Variants in TMEM204 observed in about 807,000 individuals in gnomAD.
TMEM204 encodes the protein claudin-like protein 24.
Under a neutral mutation model 19.4 loss-of-function variants are expected in TMEM204, and 15 were observed. The ratio of observed to expected loss-of-function variants is 0.77; its 90% CI spans 0.52 to 1.19. TMEM204 has a LOEUF of 1.19. Ranked by LOEUF, TMEM204 falls within the 50% of genes most tolerant of loss-of-function variation. The pLI is 0.00. For synonymous variants in TMEM204, 161 were observed against 146.0 expected (o/e 1.10, Z -0.74); for missense variants, 287 against 321.2 (o/e 0.89, Z 0.81).
At chr16:1,541,854 G>A (rs1050763882) in intron 1 of TMEM204, 67 bp from the exon 2 acceptor site, 11 of 1,480,402 alleles carry the variant, frequency 7.4e-6, no homozygotes, top group Admixed American at 4.4e-5. Context: ...CGAAAGTGGC[G>A]TGACGGCTGG....
chr16:1,528,870 TC>T (rs1567334652), upstream of TMEM204: 2 of 152,112 alleles, frequency 1.3e-5, no homozygotes, highest in South Asian at 4.1e-4. Flanking sequence ...AAGGAGGGGC[TC>T]GGGAGGACAG....
chr16:1,548,355 G>T (rs2032345082), intron 2 of TMEM204, among the ~76,000 whole-genome samples: 1 of 152,226 alleles, frequency 6.6e-6, no homozygotes, highest in African/African-American at 2.4e-5. Context: ...GAAGGCCTGT[G>T]ACAGAAGCTG....
chr16:1,541,316 G>A lies in TMEM204; in HGVS notation c.281-605G>A. ...GTGGGGGGCACTGGTTCAGACCCATGTCTGACCCCTGCTCAGCCCCTTGCT... is the reference window on the plus strand; with the variant it reads ...GTGGGGGGCACTGGTTCAGACCCATATCTGACCCCTGCTCAGCCCCTTGCT... On this transcript the variant is annotated intron_variant, in intron 1 of 2. Transcript: ENST00000566264. 3.0e-6 allele frequency: 3 copies of A among 985,304 alleles called. No homozygotes were observed. The South Asian group carries it at 1.4e-4, about 46-fold the overall frequency. The allele number at this position is 985,304 out of a possible 1,614,324, so 61.0% of individuals were successfully genotyped here. A position where few individuals can be genotyped will look rare whatever the true frequency, so the allele number is the denominator to read the frequency against.
chr16:1,536,966 G>T (rs921776682), intron 1 of TMEM204, among the ~76,000 whole-genome samples: 1 of 152,220 alleles, frequency 6.6e-6, no homozygotes, highest in Non-Finnish European at 1.5e-5. Flanking sequence ...TGTGACCTAG[G>T]CAGGCCTGGG....
At chr16:1,543,284 C>G (rs2031825896) in intron 2 of TMEM204, among the ~76,000 whole-genome samples, 1 of 152,248 alleles carries the variant, frequency 6.6e-6, no homozygotes, top group African/African-American at 2.4e-5. Flanking sequence ...GTGAATCATT[C>G]TAGGAATAAT....
At chr16:1,544,745 T>C (rs2032004345) in intron 2 of TMEM204, among the ~76,000 whole-genome samples, 2 of 151,740 alleles carry the variant, frequency 1.3e-5, no homozygotes, top group South Asian at 4.2e-4. Context: ...GCCTCCCGGG[T>C]TCACGCCATT....
Position 1,553,421 on chromosome 16 carries a change from G to A in TMEM204, c.437-1361G>A. 1.0e-6 allele frequency: 1 copy of A among 985,290 alleles called. No homozygotes were observed. The highest frequency in any genetic ancestry group is 1.2e-6 in the Non-Finnish European group (1 of 829,932). The allele number at this position is 985,290 out of a possible 1,614,324, so 61.0% of individuals were successfully genotyped here. A position where few individuals can be genotyped will look rare whatever the true frequency, so the allele number is the denominator to read the frequency against. On this transcript the variant is annotated intron_variant, in intron 2 of 2. Transcript: ENST00000566264. The surrounding 1 kb of genome is among the most constrained non-coding windows in gnomAD (Gnocchi z 4.4). ...CTGGGGAATGCAGGGGAGGCGGTTG[G>A]GAGTGGAGAGACCGGCATGAACAGA... is the stretch of plus-strand genomic sequence containing the variant.
At chr16:1,543,213 C>T (rs1448578157) in intron 2 of TMEM204, among the ~76,000 whole-genome samples, 1 of 152,270 alleles carries the variant, frequency 6.6e-6, no homozygotes. Flanking sequence ...TCCTCGAGGC[C>T]GGTGCAGCGT....
At position 1,553,374 on chromosome 16, in the gene TMEM204, G is replaced by A; in HGVS notation, c.437-1408G>A. 1.0e-6 allele frequency: 1 copy of A among 985,362 alleles called. No homozygotes were observed. Among genetic ancestry groups the A allele is most frequent in the Non-Finnish European group, 1.2e-6 (1 of 829,898 alleles). The allele number at this position is 985,362 out of a possible 1,614,324, so 61.0% of individuals were successfully genotyped here. On this transcript the variant is annotated intron_variant, in intron 2 of 2. Coordinates refer to ENST00000566264, the MANE Select transcript of TMEM204 (RefSeq NM_024600.6). The surrounding 1 kb of genome is among the most constrained non-coding windows in gnomAD (Gnocchi z 4.4). ...CCTCTCTCGATGCTGGGGCCACACA[G>A]GGCAGGGCATGATTTGGTTTCCTGG...
Position 1,553,566 on chromosome 16 carries a change from T to C in TMEM204, c.437-1216T>C. On this transcript the variant is annotated intron_variant, in intron 2 of 2. Transcript: ENST00000566264. The surrounding 1 kb of genome is among the most constrained non-coding windows in gnomAD (Gnocchi z 4.4). Reference sequence around the variant, plus strand: ...ACAAGAGGGGCTGGAGAGTTTAATCTGGACCAGTGTAAGTTACAGAGAGTC... The same window carrying C: ...ACAAGAGGGGCTGGAGAGTTTAATCCGGACCAGTGTAAGTTACAGAGAGTC... 1 of 1,009,330 alleles carries C rather than the reference T, an allele frequency of 9.9e-7. No homozygotes were observed. The highest frequency in any genetic ancestry group is 1.2e-6 in the Non-Finnish European group (1 of 843,266). The allele number at this position is 1,009,330 out of a possible 1,614,324, so 62.5% of individuals were successfully genotyped here. A position where few individuals can be genotyped will look rare whatever the true frequency, so the allele number is the denominator to read the frequency against.
At chr16:1,539,719 G>A (rs1435126914) in intron 1 of TMEM204, among the ~76,000 whole-genome samples, 3 of 152,238 alleles carry the variant, frequency 2.0e-5, no homozygotes, top group African/African-American at 4.8e-5. Flanking sequence ...AAAAATGAGC[G>A]AGGGGCAGCT....
rs546945892 is a variant in TMEM204, at chr16:1,550,478, A to C, written c.437-4304A>C. On this transcript the variant is annotated intron_variant, in intron 2 of 2. Transcript: ENST00000566264. ...AGCACTTAAGAAAATAAATAACAATAAAACAACAGTTCAGGAAGCAGCGTG... is the reference window on the plus strand; with the variant it reads ...AGCACTTAAGAAAATAAATAACAATCAAACAACAGTTCAGGAAGCAGCGTG... Among the ~76,000 whole-genome samples the C allele has an allele frequency of 2.6e-5, 4 of 152,386 alleles. No homozygotes were observed. In the South Asian group the frequency reaches 8.3e-4, roughly 32 times the overall value.
Position 1,534,212 on chromosome 16 carries a change from T to C in TMEM204, c.-64T>C. ...CACCCCTAGCAGCGTCGGCTCTCCC[T>C]GGACGTGCGGCCGCGGACTGGGACT... On this transcript the variant is annotated 5_prime_UTR_variant, in exon 1 of 3. Transcript: ENST00000566264. 1 of 1,590,654 alleles carries C rather than the reference T, an allele frequency of 6.3e-7. No homozygotes were observed. The highest frequency in any genetic ancestry group is 8.5e-7 in the Non-Finnish European group (1 of 1,175,616).
Position 1,553,593 on chromosome 16 carries a change from C to T in TMEM204, c.437-1189C>T. On this transcript the variant is annotated intron_variant, in intron 2 of 2. Coordinates refer to ENST00000566264, the MANE Select transcript of TMEM204 (RefSeq NM_024600.6). The surrounding 1 kb of genome is among the most constrained non-coding windows in gnomAD (Gnocchi z 4.4). ...GACCAGTGTAAGTTACAGAGAGTCT[C>T]TGGCACTTTGGGTACAAGAAACAGA... 1 of 1,027,050 alleles carries T rather than the reference C, an allele frequency of 9.7e-7. No individual in the cohort carries two copies. Among genetic ancestry groups the T allele is most frequent in the South Asian group, 3.8e-5 (1 of 26,420 alleles). The allele number at this position is 1,027,050 out of a possible 1,614,324, so 63.6% of individuals were successfully genotyped here.
chr16:1,544,061 A>C (rs2031913531), intron 2 of TMEM204, among the ~76,000 whole-genome samples: 2 of 147,226 alleles, frequency 1.4e-5, no homozygotes, highest in Admixed American at 6.9e-5. Context: ...TCTGTCACCC[A>C]TGCTGGAGTG....
intron 1 of TMEM204, chr16:1,540,857 T>C: frequency 1.0e-6 from 1 of 985,472 alleles, no homozygotes; most frequent in Non-Finnish European, 1.2e-6. Flanking sequence ...GATGACAGGC[T>C]AGGGACTCTG....
At chr16:1,541,845 G>A (rs2031672499) in intron 1 of TMEM204, 76 bp from the exon 2 acceptor site, 11 of 1,473,418 alleles carry the variant, frequency 7.5e-6, no homozygotes, top group East Asian at 2.5e-5. Context: ...CAGAGACCAC[G>A]AAAGTGGCGT....
At chr16:1,542,905 T>C (rs915084598) in intron 2 of TMEM204, among the ~76,000 whole-genome samples, 13 of 152,090 alleles carry the variant, frequency 8.5e-5, no homozygotes, top group African/African-American at 2.9e-4. Flanking sequence ...TCATAGAGGG[T>C]GACAGTGATG....
chr16:1,536,158 C>T (rs963977048), intron 1 of TMEM204, among the ~76,000 whole-genome samples: 5 of 152,260 alleles, frequency 3.3e-5, no homozygotes, highest in Non-Finnish European at 7.3e-5. Context: ...CTCCTAACTG[C>T]TGCCACCAAC....
Sources: gnomAD v4.1 joint callset for allele counts (sites outside exome capture counted in the v4.1 genomes callset) on GRCh38, gnomAD v4.1.1 for gene constraint, Gnocchi (gnomAD v3.1) non-coding constraint, MANE v1.5 for transcripts, NCBI Gene and HGNC (gene_info 2026-07-23, HGNC 2026-07-21) for gene names.